The following PHF11 variants were observed in gnomAD, a reference collection of about 807,000 sequenced individuals.
PHF11 encodes the protein PHD finger protein 11, also known as BRCA1 C-terminus-associated protein.
A neutral mutation model predicts 40.5 loss-of-function variants in PHF11; 38 were observed. That is an observed-to-expected ratio of 0.94 (90% CI 0.72 to 1.23). The LOEUF is 1.23. Ranked by LOEUF, PHF11 falls within the 50% of genes most tolerant of loss-of-function variation. The probability of loss-of-function intolerance (pLI) is 0.00; values close to 1 mark genes in which losing one functional copy is unlikely to be tolerated. For missense variants in PHF11, 369 were observed against 392.4 expected (o/e 0.94, Z 0.50); for synonymous variants, 127 against 138.2 (o/e 0.92, Z 0.57).
At chr13:49,501,525 A>G (rs1348132985) in intron 1 of PHF11, among the ~76,000 whole-genome samples, 2 of 152,188 alleles carry the variant, frequency 1.3e-5, no homozygotes. Context: ...TAAGTGTAGC[A>G]TTGTTCAATG....
At position 49,496,012 on chromosome 13, in the gene PHF11, C is replaced by A; in HGVS notation, c.11C>A (p.Ala4Glu). 1 of 1,480,080 alleles carries A rather than the reference C, an allele frequency of 6.8e-7. No homozygotes were observed. The highest frequency in any genetic ancestry group is 8.9e-7 in the Non-Finnish European group (1 of 1,122,540). 91.7% of individuals were successfully genotyped at this position (1,480,080 alleles called of 1,614,324 possible). A position where few individuals can be genotyped will look rare whatever the true frequency, so the allele number is the denominator to read the frequency against. Reference protein sequence around the residue: MAQASPPRPERVLG... With the variant: MAQESPPRPERVLG... ...AGCTGCAGCACAGTCATGGCCCAGG[C>A]GTCGCCGCCCCGGCCCGAGAGGGTG... is the stretch of plus-strand genomic sequence containing the variant. The change falls in exon 1 of 10, where the codon GCG (alanine) becomes GAG (glutamate). Residue 4 changes from alanine to glutamate, a missense_variant. Ala to Glu is a moderately radical substitution (Grantham distance 107). Coordinates refer to ENST00000378319, the MANE Select transcript of PHF11 (RefSeq NM_001040443.3).
chr13:49,527,478 C>T (rs531680300), intron 9 of PHF11: 3 of 152,188 alleles, frequency 2.0e-5, no homozygotes, highest in Admixed American at 2.0e-4. Flanking sequence ...ACATACACAA[C>T]CTTTCTCATT....
At chr13:49,496,259 C>G in intron 1 of PHF11, 164 bp downstream of exon 1, 1 of 648,422 alleles carries the variant, frequency 1.5e-6, no homozygotes. Flanking sequence ...TGGCTCACCA[C>G]TCGCGTGCCT....
rs1217888289 is a variant in PHF11 at position 49,513,029 on chromosome 13, A to G, written c.217-30A>G. ...TGTAGCTTTCAATATTACTTTGTGCATACTCTGGATTTTTTTTTCCAATCT... is the reference window on the plus strand; with the variant it reads ...TGTAGCTTTCAATATTACTTTGTGCGTACTCTGGATTTTTTTTTCCAATCT... On this transcript the variant is annotated intron_variant, in intron 2 of 9. Transcript: ENST00000378319. 2.2e-5 allele frequency: 23 copies of G among 1,061,652 alleles called. No individual in the cohort carries two copies. In the East Asian group the frequency reaches 4.1e-4, roughly 19 times the overall value. The allele number at this position is 1,061,652 out of a possible 1,614,324, so 65.8% of individuals were successfully genotyped here. A position where few individuals can be genotyped will look rare whatever the true frequency, so the allele number is the denominator to read the frequency against.
chr13:49,521,422 A>G (rs1959187029), intron 5 of PHF11: 1 of 986,352 alleles, frequency 1.0e-6, no homozygotes, highest in African/African-American at 1.7e-5. Context: ...GCAGCACTAC[A>G]TCTGCAATGT....
intron 1 of PHF11, among the ~76,000 whole-genome samples, chr13:49,497,487 C>T (rs1408793484): frequency 1.3e-5 from 2 of 152,160 alleles, no homozygotes; most frequent in Non-Finnish European, 2.9e-5. Context: ...CCAGCCAGTT[C>T]TGTGTTCAGC....
intron 4 of PHF11, chr13:49,518,934 C>A (rs1959174351): frequency 6.7e-6 from 1 of 149,684 alleles, no homozygotes; most frequent in African/African-American, 2.5e-5. Context: ...CTCCCGGGTT[C>A]ACGCCATTCT....
intron 3 of PHF11, among the ~76,000 whole-genome samples, chr13:49,514,940 T>A (rs2139056789): frequency 6.6e-6 from 1 of 152,258 alleles, no homozygotes; most frequent in Middle Eastern, 3.4e-3. Flanking sequence ...TCAACTGGAA[T>A]ATTTTTTTGC....
intron 1 of PHF11, among the ~76,000 whole-genome samples, chr13:49,504,221 G>A (rs2139035754): frequency 6.6e-6 from 1 of 152,116 alleles, no homozygotes; most frequent in South Asian, 2.1e-4. Context: ...AGGCCAAGCA[G>A]GCTGATCTTG....
rs1482332925 is a variant in PHF11 at position 49,518,848 on chromosome 13, T to TTTTG, written c.458+700_458+701insGTTT. Reference sequence around the variant, plus strand: ...CTTGCTAAATAATTTTTTTTTTTTTTTTTTTGAGACAGAGTCTCGCTCTGT... The same window carrying TTTTG: ...CTTGCTAAATAATTTTTTTTTTTTTTTTTGTTTTTGAGACAGAGTCTCGCTCTGT... On this transcript the variant is annotated intron_variant, in intron 4 of 9. Coordinates refer to ENST00000378319, the MANE Select transcript of PHF11 (RefSeq NM_001040443.3). 4.6e-4 allele frequency: 69 copies of TTTTG among 151,418 alleles called. 1 individual carries two copies. The highest frequency in any genetic ancestry group is 1.7e-3 in the African/African-American group (69 of 41,200). 9.4% of individuals were successfully genotyped at this position (151,418 alleles called of 1,614,324 possible). A position where few individuals can be genotyped will look rare whatever the true frequency, so the allele number is the denominator to read the frequency against.
rs1298325797 is a variant in PHF11 at position 49,528,580 on chromosome 13, A to G, written c.911A>G (p.Gln304Arg). Residue 304 changes from glutamine to arginine, a missense_variant, in exon 10 of 10, where the codon CAG becomes CGG. Coordinates refer to ENST00000378319, the MANE Select transcript of PHF11 (RefSeq NM_001040443.3). ...QQLKEEIELL[Q>R]DLKQTLCSFQ... The stretch of plus-strand genomic sequence containing the variant: ...TTGAAGGAAGAGATTGAGCTACTTC[A>G]GGACTTAAAACAAACCTTGTGCTCT... 3.7e-6 allele frequency: 6 copies of G among 1,611,848 alleles called. No homozygotes were observed. Among genetic ancestry groups the G allele is most frequent in the Non-Finnish European group, 5.1e-6 (6 of 1,178,126 alleles).
At chr13:49,502,837 C>T (rs1463097689) in intron 1 of PHF11, among the ~76,000 whole-genome samples, 2 of 152,192 alleles carry the variant, frequency 1.3e-5, no homozygotes, top group African/African-American at 2.4e-5. Flanking sequence ...ATTCTCCTGC[C>T]TCAGCCTCCC....
Position 49,523,206 on chromosome 13 carries a change from T to G in PHF11, c.602T>G (p.Ile201Arg), listed in dbSNP as rs970150960. 1.2e-6 allele frequency: 2 copies of G among 1,612,448 alleles called. No homozygotes were observed. Among genetic ancestry groups the G allele is most frequent in the African/African-American group, 2.7e-5 (2 of 74,906 alleles). The change falls in exon 7 of 10, where the codon ATA becomes AGA. Residue 201 changes from isoleucine (I) to arginine (R), a missense_variant. Ile to Arg is a moderately conservative substitution (Grantham distance 97). Coordinates refer to ENST00000378319, the MANE Select transcript of PHF11 (RefSeq NM_001040443.3). ...PPETMKCNTFIRQVKEEHGRH... is the reference protein window; with the variant it reads ...PPETMKCNTFRRQVKEEHGRH... ...GAAACAATGAAATGTAATACATTCATAAGACAAGTGAAAGAAGAGCATGGC... is the reference window on the plus strand; with the variant it reads ...GAAACAATGAAATGTAATACATTCAGAAGACAAGTGAAAGAAGAGCATGGC...
At chr13:49,515,800 G>T (rs1959145483) in intron 3 of PHF11, among the ~76,000 whole-genome samples, 1 of 152,126 alleles carries the variant, frequency 6.6e-6, no homozygotes, top group African/African-American at 2.4e-5. Context: ...AGCAGCCTGA[G>T]TGATCTTTCA....
In PHF11 at chr13:49,496,470, G is replaced by A. The variant is rs537544581; in HGVS notation, c.94+375G>A. 6.9e-6 allele frequency: 7 copies of A among 1,012,188 alleles called. No homozygotes were observed. The African/African-American group carries it at 1.0e-4, about 15-fold the overall frequency. The allele number at this position is 1,012,188 out of a possible 1,614,324, so 62.7% of individuals were successfully genotyped here. ...ACCGGTAAACCAGGACAGTGGAGGGGCGCCCTGATGCGGTGAGGCAGGGGG... is the reference window on the plus strand; with the variant it reads ...ACCGGTAAACCAGGACAGTGGAGGGACGCCCTGATGCGGTGAGGCAGGGGG... On this transcript the variant is annotated intron_variant, in intron 1 of 9. Transcript: ENST00000378319.
At position 49,522,215 on chromosome 13, in the gene PHF11, G is replaced by A. The variant is rs542884683; in HGVS notation, c.570+108G>A. 3.2e-5 allele frequency: 19 copies of A among 589,230 alleles called. No individual in the cohort carries two copies. In the South Asian group the frequency reaches 4.4e-4, roughly 14 times the overall value. The allele number at this position is 589,230 out of a possible 1,614,324, so 36.5% of individuals were successfully genotyped here. A position where few individuals can be genotyped will look rare whatever the true frequency, so the allele number is the denominator to read the frequency against. ...ACTTTCCAAATCGTCCAAACAGAGA[G>A]CCTTTGAAGAACATTCTTCATTTGT... On this transcript the variant is annotated intron_variant, in intron 6 of 9. Transcript: ENST00000378319.
intron 4 of PHF11, among the ~76,000 whole-genome samples, chr13:49,520,343 G>A (rs996735209): frequency 1.5e-4 from 23 of 152,164 alleles, no homozygotes; most frequent in African/African-American, 2.4e-4. Flanking sequence ...CACCGTGCCC[G>A]GCCTCACTTC....
intron 1 of PHF11, among the ~76,000 whole-genome samples, chr13:49,499,923 T>G (rs556551945): frequency 6.6e-6 from 1 of 152,216 alleles, no homozygotes; most frequent in Non-Finnish European, 1.5e-5. Context: ...CAGAATGTGT[T>G]CCTTGACCAC....
At chr13:49,504,848 CT>C (rs1416173185) in intron 1 of PHF11, among the ~76,000 whole-genome samples, 1 of 151,028 alleles carries the variant, frequency 6.6e-6, no homozygotes, top group African/African-American at 2.4e-5. Flanking sequence ...ACATGGGAGA[CT>C]TTTCATTTTG....
Sources: allele counts gnomAD v4.1 joint callset (sites outside exome capture counted in the v4.1 genomes callset), GRCh38; gene constraint gnomAD v4.1.1; transcripts MANE v1.5; gene names NCBI Gene and HGNC (gene_info 2026-07-23, HGNC 2026-07-21).